The following ANKRD17 variants were observed in gnomAD, a reference collection of about 807,000 sequenced individuals.
ANKRD17 encodes the protein ankyrin repeat domain-containing protein 17.
A neutral mutation model predicts 229.7 loss-of-function variants in ANKRD17; 19 were observed. That is an observed-to-expected ratio of 0.08 (90% confidence interval 0.06 to 0.12). The LOEUF is 0.12. Ranked by LOEUF, ANKRD17 falls within the 10% of genes least tolerant of loss-of-function variation. ANKRD17 has a pLI of 1.00. For missense variants in ANKRD17, 2,176 were observed against 3,176.8 expected, an observed-to-expected ratio of 0.68 and a Z score of 7.57; for synonymous variants, 1,112 against 1,146.1, an observed-to-expected ratio of 0.97 and a Z score of 0.60.
chr4:73,243,295 G>A (rs558368012), intron 1 of ANKRD17, among the ~76,000 whole-genome samples: 63 of 152,284 alleles, frequency 4.1e-4, no homozygotes, highest in Middle Eastern at 6.8e-3. Flanking sequence ...CTAATGCTAC[G>A]TGAAGAATGA....
chr4:73,086,919 A>AAAAAAAAAAAAATATATATATAT (rs1553911000), intron 29 of ANKRD17, among the ~76,000 whole-genome samples: 1 of 12,464 alleles, frequency 8.0e-5, no homozygotes, highest in Non-Finnish European at 1.8e-4. Flanking sequence ...AAAAAAAAAA[A>AAAAAAAAAAAAATATATATATAT]ATATATATAT....
intron 16 of ANKRD17, 120 bp from the exon 17 acceptor site, chr4:73,125,432 C>A: frequency 1.3e-6 from 1 of 791,902 alleles, no homozygotes. Context: ...CAATATCAAG[C>A]ATTTGAAAAG....
Position 73,098,290 on chromosome 4 carries a change from C to T in ANKRD17, c.4804G>A (p.Glu1602Lys). Residue 1602 changes from glutamate (E) to lysine (K), a missense_variant, in exon 26 of 34, where the codon GAG becomes AAG. Physicochemically the swap from Glu to Lys is moderately conservative, Grantham distance 56. Transcript: ENST00000358602. ...TCGCTGGTACTGCTGCTCTTGGACT[C>T]TCCATTCACCTTCTCTGGCTGACTG... Reference protein sequence around the residue: ...SYSQPEKVNGESKSSSTSESG... With the variant: ...SYSQPEKVNGKSKSSSTSESG... 6.2e-7 allele frequency: 1 copy of T among 1,614,218 alleles called. No individual in the cohort carries two copies. The highest frequency in any genetic ancestry group is 8.5e-7 in the Non-Finnish European group (1 of 1,180,044).
intron 7 of ANKRD17, among the ~76,000 whole-genome samples, chr4:73,150,178 C>T (rs1405112462): frequency 6.6e-5 from 10 of 152,084 alleles, no homozygotes. Context: ...AATCTTCTTC[C>T]TCGATAGCGA....
chr4:73,251,105 T>C (rs1744984493), intron 1 of ANKRD17, among the ~76,000 whole-genome samples: 1 of 152,102 alleles, frequency 6.6e-6, no homozygotes, highest in South Asian at 2.1e-4. Context: ...ACGCCATCTC[T>C]ACACACACAC....
intron 2 of ANKRD17, among the ~76,000 whole-genome samples, chr4:73,170,501 G>C (rs1005110013): frequency 6.6e-6 from 1 of 151,258 alleles, no homozygotes; most frequent in Non-Finnish European, 1.5e-5. Context: ...CACATTCCCA[G>C]CTATGGTGGC....
chr4:73,183,917 A>T (rs1328168636), intron 1 of ANKRD17, among the ~76,000 whole-genome samples: 1 of 152,216 alleles, frequency 6.6e-6, no homozygotes, highest in Admixed American at 6.5e-5. Flanking sequence ...TTAGATTTCT[A>T]AGATAATTAG....
intron 1 of ANKRD17, among the ~76,000 whole-genome samples, chr4:73,239,203 A>T (rs1382104490): frequency 6.6e-6 from 1 of 152,174 alleles, no homozygotes; most frequent in Non-Finnish European, 1.5e-5. Flanking sequence ...CAGATCCTAT[A>T]CCACTACAAA....
intron 1 of ANKRD17, among the ~76,000 whole-genome samples, chr4:73,189,289 T>C (rs965856586): frequency 1.3e-5 from 2 of 151,610 alleles, no homozygotes; most frequent in Non-Finnish European, 2.9e-5. Context: ...AAGGGGATAA[T>C]AGAGAACACT....
intron 1 of ANKRD17, among the ~76,000 whole-genome samples, chr4:73,179,309 T>C (rs185412606): frequency 1.3e-5 from 2 of 150,984 alleles, no homozygotes; most frequent in Admixed American, 1.3e-4. Flanking sequence ...TTTCATAAAA[T>C]TTTGTTCTAC....
At chr4:73,080,016 G>A (rs963370280) in intron 30 of ANKRD17, among the ~76,000 whole-genome samples, 1 of 152,102 alleles carries the variant, frequency 6.6e-6, no homozygotes, top group Admixed American at 6.5e-5. Context: ...TGAGGCAGAC[G>A]AATCACTTGA....
intron 1 of ANKRD17, among the ~76,000 whole-genome samples, chr4:73,179,367 T>C (rs188580464): frequency 1.3e-5 from 2 of 148,826 alleles, no homozygotes; most frequent in East Asian, 3.9e-4. Flanking sequence ...AGATAAAAAA[T>C]ACAAAAACAA....
intron 2 of ANKRD17, among the ~76,000 whole-genome samples, chr4:73,172,336 C>T (rs1182821465): frequency 1.3e-5 from 2 of 152,168 alleles, no homozygotes; most frequent in Non-Finnish European, 2.9e-5. Context: ...ATCCCTTAAA[C>T]ATGAAGGAGA....
At chr4:73,202,369 T>A (rs1318491978) in intron 1 of ANKRD17, among the ~76,000 whole-genome samples, 1 of 140,578 alleles carries the variant, frequency 7.1e-6, no homozygotes, top group African/African-American at 2.6e-5. Context: ...GAAGTCTTAC[T>A]TAGTTCAGGA....
intron 24 of ANKRD17, among the ~76,000 whole-genome samples, chr4:73,107,950 A>G (rs1284539241): frequency 6.6e-6 from 1 of 152,210 alleles, no homozygotes; most frequent in Non-Finnish European, 1.5e-5. Flanking sequence ...TGACTAATGC[A>G]GGTATGAGAT....
chr4:73,207,954 C>T (rs1052848981), intron 1 of ANKRD17, among the ~76,000 whole-genome samples: 2 of 151,910 alleles, frequency 1.3e-5, no homozygotes, highest in East Asian at 1.9e-4. Context: ...TTTGGGAGGC[C>T]GAGGCAGGTG....
At chr4:73,122,235 A>G (rs1726837227) in intron 18 of ANKRD17, among the ~76,000 whole-genome samples, 2 of 152,280 alleles carry the variant, frequency 1.3e-5, no homozygotes, top group Middle Eastern at 3.4e-3. Context: ...CCTTATATAC[A>G]TTCACTACCT....
chr4:73,175,163 G>A (rs921500127), intron 2 of ANKRD17, among the ~76,000 whole-genome samples: 6 of 152,170 alleles, frequency 3.9e-5, no homozygotes, highest in Non-Finnish European at 7.3e-5. Flanking sequence ...AGTTCCACAT[G>A]GCTGCGAGGC....
At position 73,075,963 on chromosome 4, in the gene ANKRD17, C is replaced by T. The variant is rs1720967463; in HGVS notation, c.*268G>A. On this transcript the variant is annotated 3_prime_UTR_variant, in exon 34 of 34. Transcript: ENST00000358602. Reference sequence around the variant, plus strand: ...CCAACCAGCCAAAGAACAGCTTCAACAGAAAGTTATGTCCAAAGGGGAAGA... The same window carrying T: ...CCAACCAGCCAAAGAACAGCTTCAATAGAAAGTTATGTCCAAAGGGGAAGA... 2 of 313,122 alleles carry T rather than the reference C, an allele frequency of 6.4e-6. No individual in the cohort carries two copies. The highest frequency in any genetic ancestry group is 1.2e-5 in the Non-Finnish European group (2 of 170,710). The allele number at this position is 313,122 out of a possible 1,614,324, so 19.4% of individuals were successfully genotyped here.
Sources: allele counts gnomAD v4.1 joint callset (sites outside exome capture counted in the v4.1 genomes callset), GRCh38; gene constraint gnomAD v4.1.1; transcripts MANE v1.5; gene names NCBI Gene and HGNC (gene_info 2026-07-23, HGNC 2026-07-21).